The following FHIP2A variants were observed in gnomAD, a reference collection of about 807,000 sequenced individuals.
FHIP2A encodes the protein family with sequence similarity 160 member B1.
FHIP2A carries 46 observed loss-of-function variants against 93.5 expected under a neutral mutation model. That is an observed-to-expected ratio of 0.49 (90% CI 0.39 to 0.63). FHIP2A has a LOEUF of 0.63. Ranked by LOEUF, FHIP2A falls within the 20% of genes least tolerant of loss-of-function variation. The pLI, the probability that FHIP2A is intolerant of heterozygous loss-of-function variation, is 0.00. For missense variants in FHIP2A, 769 were observed against 909.7 expected, an observed-to-expected ratio of 0.85 and a Z score of 1.99; for synonymous variants, 332 against 326.5, an observed-to-expected ratio of 1.02 and a Z score of -0.18.
intron 12 of FHIP2A, among the ~76,000 whole-genome samples, chr10:114,847,819 T>C (rs570178050): frequency 3.0e-4 from 45 of 150,186 alleles, no homozygotes; most frequent in Non-Finnish European, 4.1e-4. Flanking sequence ...TGATCCCTGC[T>C]CACTGCAACT....
intron 12 of FHIP2A, among the ~76,000 whole-genome samples, chr10:114,847,442 C>T (rs1262356750): frequency 1.3e-5 from 2 of 151,772 alleles, no homozygotes; most frequent in East Asian, 2.0e-4. Flanking sequence ...GCTCCTGCCA[C>T]GTCACCCAGC....
chr10:114,861,557 A>G lies in FHIP2A; in HGVS notation c.*17A>G. Reference sequence around the variant, plus strand: ...ACACCATAAATAACATCTTTCATGTAACTGGGGGAACAGAACTACTGTGTA... The same window carrying G: ...ACACCATAAATAACATCTTTCATGTGACTGGGGGAACAGAACTACTGTGTA... On this transcript the variant is annotated 3_prime_UTR_variant, in exon 17 of 17. Coordinates refer to ENST00000369248, the MANE Select transcript of FHIP2A (RefSeq NM_020940.4). 1.2e-6 allele frequency: 2 copies of G among 1,611,422 alleles called. No individual in the cohort carries two copies. The highest frequency in any genetic ancestry group is 1.7e-6 in the Non-Finnish European group (2 of 1,179,570).
chr10:114,853,255 ATT>A (rs1037922262), intron 13 of FHIP2A, among the ~76,000 whole-genome samples: 8 of 152,358 alleles, frequency 5.3e-5, no homozygotes, highest in African/African-American at 1.7e-4. Context: ...AGAATAAAAT[ATT>A]TCAAAATTTG....
At chr10:114,869,952 T>C (rs1205120406) in intron 16 of FHIP2A, among the ~76,000 whole-genome samples, 1 of 152,216 alleles carries the variant, frequency 6.6e-6, no homozygotes, top group Non-Finnish European at 1.5e-5. Flanking sequence ...TCTTGCGAAG[T>C]AGTGTTGCTC....
intron 16 of FHIP2A, among the ~76,000 whole-genome samples, chr10:114,893,056 A>C (rs975821917): frequency 6.6e-6 from 1 of 152,066 alleles, no homozygotes; most frequent in Non-Finnish European, 1.5e-5. Context: ...TCTGTAACAG[A>C]CTTGTATTAC....
chr10:114,829,157 C>T (rs913450273), intron 1 of FHIP2A, among the ~76,000 whole-genome samples: 7 of 152,200 alleles, frequency 4.6e-5, no homozygotes, highest in African/African-American at 1.7e-4. Context: ...AATGGGTACT[C>T]CATAGGCAGG....
intron 16 of FHIP2A, among the ~76,000 whole-genome samples, chr10:114,884,688 G>T (rs1325026824): frequency 6.6e-6 from 1 of 152,088 alleles, no homozygotes; most frequent in African/African-American, 2.4e-5. Context: ...TGAGGCAGGT[G>T]GATCACCTGA....
At chr10:114,899,433 T>C in intron 16 of FHIP2A, 1 of 718,074 alleles carries the variant, frequency 1.4e-6, no homozygotes, top group Non-Finnish European at 2.6e-6. Context: ...TCAGGCTACA[T>C]CCTCAGGGAT....
chr10:114,898,712 C>T (rs945699144), intron 16 of FHIP2A, among the ~76,000 whole-genome samples: 7 of 152,172 alleles, frequency 4.6e-5, no homozygotes, highest in African/African-American at 1.7e-4. Flanking sequence ...TTTCTCTCTC[C>T]TGATTGCAGC....
At position 114,862,167 on chromosome 10, in the gene FHIP2A, A is replaced by G; in HGVS notation, c.*627A>G. 2 of 922,784 alleles carry G rather than the reference A, an allele frequency of 2.2e-6. No homozygotes were observed. The highest frequency in any genetic ancestry group is 2.6e-6 in the Non-Finnish European group (2 of 772,718). The allele number at this position is 922,784 out of a possible 1,614,324, so 57.2% of individuals were successfully genotyped here. A position where few individuals can be genotyped will look rare whatever the true frequency, so the allele number is the denominator to read the frequency against. Reference sequence around the variant, plus strand: ...AATTCTTGATTAATATAATATATCTATATTTTTAAAGAAATGTTCTTTTAC... The same window carrying G: ...AATTCTTGATTAATATAATATATCTGTATTTTTAAAGAAATGTTCTTTTAC... On this transcript the variant is annotated 3_prime_UTR_variant, in exon 17 of 17. Coordinates refer to ENST00000369248, the MANE Select transcript of FHIP2A (RefSeq NM_020940.4).
At chr10:114,873,635 A>G (rs2083869676) in intron 16 of FHIP2A, among the ~76,000 whole-genome samples, 1 of 152,210 alleles carries the variant, frequency 6.6e-6, no homozygotes, top group African/African-American at 2.4e-5. Flanking sequence ...ATATCAATAC[A>G]AACTCATGGA....
chr10:114,834,814 A>G (rs2083627591), intron 3 of FHIP2A, among the ~76,000 whole-genome samples: 1 of 152,248 alleles, frequency 6.6e-6, no homozygotes, highest in Admixed American at 6.5e-5. Flanking sequence ...CCCTTGAACA[A>G]CATGGGTTTG....
At chr10:114,832,079 G>T (rs1400801834) in intron 2 of FHIP2A, among the ~76,000 whole-genome samples, 3 of 152,098 alleles carry the variant, frequency 2.0e-5, no homozygotes, top group African/African-American at 7.2e-5. Flanking sequence ...CATAAGTAAA[G>T]AATTTGGCAC....
intron 16 of FHIP2A, among the ~76,000 whole-genome samples, chr10:114,883,632 A>C (rs1269759878): frequency 6.6e-6 from 1 of 152,190 alleles, no homozygotes; most frequent in African/African-American, 2.4e-5. Context: ...CCCAGGCTAG[A>C]GTGCAATGGC....
At chr10:114,884,823 A>G (rs187039091) in intron 16 of FHIP2A, among the ~76,000 whole-genome samples, 1 of 151,818 alleles carries the variant, frequency 6.6e-6, no homozygotes, top group Non-Finnish European at 1.5e-5. Context: ...CTGAGGCAGG[A>G]GAATCGCTTG....
intron 2 of FHIP2A, among the ~76,000 whole-genome samples, chr10:114,832,527 A>T (rs1239344251): frequency 6.6e-6 from 1 of 152,088 alleles, no homozygotes; most frequent in African/African-American, 2.4e-5. Flanking sequence ...ATTTAAAGAG[A>T]CTTAAAGTTC....
intron 16 of FHIP2A, among the ~76,000 whole-genome samples, chr10:114,874,360 AATG>A (rs2083873867): frequency 6.6e-6 from 1 of 152,214 alleles, no homozygotes; most frequent in Admixed American, 6.5e-5. Context: ...GCACACTAGG[AATG>A]ATTACTTTTT....
At chr10:114,829,803 T>C (rs922698173) in intron 1 of FHIP2A, among the ~76,000 whole-genome samples, 1 of 152,314 alleles carries the variant, frequency 6.6e-6, no homozygotes, top group South Asian at 2.1e-4. Flanking sequence ...GGAAAAGAAA[T>C]GTAGAAAGTG....
intron 14 of FHIP2A, among the ~76,000 whole-genome samples, chr10:114,857,422 G>A (rs971909526): frequency 1.5e-4 from 23 of 150,950 alleles, no homozygotes; most frequent in East Asian, 2.0e-4. Flanking sequence ...CGATTCTCCC[G>A]TCTCAGCGTC....
Sources: allele counts gnomAD v4.1 joint callset (sites outside exome capture counted in the v4.1 genomes callset), GRCh38; gene constraint gnomAD v4.1.1; transcripts MANE v1.5; gene names NCBI Gene and HGNC (gene_info 2026-07-23, HGNC 2026-07-21).